PTPRD: variants seen among roughly 807,000 people sequenced by gnomAD.
The protein encoded by PTPRD is protein tyrosine phosphatase receptor type D.
PTPRD carries 34 observed loss-of-function variants against 214.5 expected under a neutral mutation model. The ratio of observed to expected loss-of-function variants is 0.16; its 90% CI spans 0.12 to 0.21. PTPRD has a LOEUF of 0.21. Ranked by LOEUF, PTPRD falls within the 10% of genes least tolerant of loss-of-function variation. The probability of loss-of-function intolerance (pLI) is 1.00; values close to 1 mark genes in which losing one functional copy is unlikely to be tolerated. For synonymous variants in PTPRD, 1,128 were observed against 845.7 expected (o/e 1.33, Z -5.79); for missense variants, 2,545 against 2,398.7 (o/e 1.06, Z -1.27).
chr9:9,132,897 T>C (rs1010908234), intron 10 of PTPRD, among the ~76,000 whole-genome samples: 1 of 152,242 alleles, frequency 6.6e-6, no homozygotes, highest in Admixed American at 6.5e-5. Flanking sequence ...AATGTGTTGA[T>C]GCTGAGAATA....
intron 10 of PTPRD, among the ~76,000 whole-genome samples, chr9:9,143,824 T>A (rs2099864139): frequency 6.6e-6 from 1 of 152,198 alleles, no homozygotes; most frequent in Admixed American, 6.5e-5. Context: ...ACATAACCGA[T>A]TATAAAAACT....
intron 14 of PTPRD, among the ~76,000 whole-genome samples, chr9:8,558,350 A>C (rs1447808033): frequency 6.6e-6 from 1 of 152,178 alleles, no homozygotes; most frequent in Non-Finnish European, 1.5e-5. Flanking sequence ...ACTATTTCCT[A>C]ATAGTGATTC....
intron 11 of PTPRD, among the ~76,000 whole-genome samples, chr9:8,891,876 T>C (rs1436114754): frequency 2.6e-5 from 4 of 152,206 alleles, no homozygotes; most frequent in African/African-American, 9.6e-5. Context: ...ATTTAGGTGA[T>C]CTAAATCAAC....
chr9:8,796,750 A>C (rs1443931778), intron 11 of PTPRD, among the ~76,000 whole-genome samples: 3 of 152,150 alleles, frequency 2.0e-5, no homozygotes, highest in Non-Finnish European at 2.9e-5. Flanking sequence ...CTGGTTGAGA[A>C]ATTCAAATTT....
At chr9:8,781,943 AT>A (rs1566013472) in intron 11 of PTPRD, among the ~76,000 whole-genome samples, 5 of 151,970 alleles carry the variant, frequency 3.3e-5, no homozygotes, top group African/African-American at 9.7e-5. Context: ...ATTTAAAAGT[AT>A]GGTGTTAGCA....
chr9:10,149,116 A>C (rs2099043416), intron 3 of PTPRD, among the ~76,000 whole-genome samples: 1 of 152,218 alleles, frequency 6.6e-6, no homozygotes, highest in African/African-American at 2.4e-5. Flanking sequence ...ATGACCATGT[A>C]GAAACTGCAA....
At chr9:9,458,414 A>G (rs961433508) in intron 8 of PTPRD, among the ~76,000 whole-genome samples, 1 of 152,120 alleles carries the variant, frequency 6.6e-6, no homozygotes, top group African/African-American at 2.4e-5. Flanking sequence ...AAAAAATTGT[A>G]AATGGTTTTG....
rs143062790 is a variant in PTPRD, at chr9:10,010,060, G to A, written c.-472+23658C>T. On this transcript the variant is annotated intron_variant, in intron 4 of 45. Transcript: ENST00000381196. Reference sequence around the variant, plus strand: ...GTCCATTCAGTTGGTTGAGAGGCTTGGAATTTTATTTTTGATTTACACATT... The same window carrying A: ...GTCCATTCAGTTGGTTGAGAGGCTTAGAATTTTATTTTTGATTTACACATT... 5.9e-4 allele frequency among the ~76,000 whole-genome samples: 89 copies of A among 151,866 alleles called. 2 individuals carry two copies. The East Asian group carries it at 0.015, about 25-fold the overall frequency.
intron 11 of PTPRD, among the ~76,000 whole-genome samples, chr9:8,741,430 TATTTG>T (rs1053657828): frequency 6.6e-6 from 1 of 152,168 alleles, no homozygotes; most frequent in Admixed American, 6.5e-5. Flanking sequence ...GGAACTCTAA[TATTTG>T]TTCCTTTCAT....
chr9:8,878,259 G>C lies in PTPRD; in HGVS notation c.-104+140438C>G, dbSNP rs77569740. Among the ~76,000 whole-genome samples, 1,179 of 152,242 alleles carry C rather than the reference G, an allele frequency of 7.7e-3. 17 individuals carry two copies. Among genetic ancestry groups the C allele is most frequent in the African/African-American group, 0.027 (1,130 of 41,534 alleles). ...GAATTGGTCCACAACATGTCCTTCT[G>C]TGTAATTCTTCATTCCGGGCACAGA... is the stretch of plus-strand genomic sequence containing the variant. On this transcript the variant is annotated intron_variant, in intron 11 of 45. Coordinates refer to ENST00000381196, the MANE Select transcript of PTPRD (RefSeq NM_002839.4).
intron 5 of PTPRD, among the ~76,000 whole-genome samples, chr9:9,929,340 C>T (rs2085525614): frequency 6.6e-6 from 1 of 152,182 alleles, no homozygotes; most frequent in East Asian, 1.9e-4. Flanking sequence ...ATACCCCTTG[C>T]TATCAAGGAG....
chr9:10,342,234 G>A (rs980119173), intron 2 of PTPRD, among the ~76,000 whole-genome samples: 1 of 152,006 alleles, frequency 6.6e-6, no homozygotes, highest in African/African-American at 2.4e-5. Flanking sequence ...ACTGGCCTGT[G>A]TCACTTATAG....
At chr9:8,996,909 T>C (rs1009501216) in intron 11 of PTPRD, among the ~76,000 whole-genome samples, 3 of 152,102 alleles carry the variant, frequency 2.0e-5, no homozygotes, top group Admixed American at 1.3e-4. Flanking sequence ...TTGATTGTGA[T>C]ATTGGTTTTA....
At chr9:8,354,640 T>C (rs1406142683) in intron 39 of PTPRD, among the ~76,000 whole-genome samples, 1 of 152,234 alleles carries the variant, frequency 6.6e-6, no homozygotes, top group Non-Finnish European at 1.5e-5. Flanking sequence ...TTGGTTGGTT[T>C]GACTCAAGTA....
chr9:9,671,805 G>T (rs894896920), intron 7 of PTPRD, among the ~76,000 whole-genome samples: 1 of 152,138 alleles, frequency 6.6e-6, no homozygotes, highest in East Asian at 1.9e-4. Flanking sequence ...ATGTAGAACT[G>T]TAAGTCTAAT....
rs1161634989 is a variant in PTPRD at position 8,866,749 on chromosome 9, T to C, written c.-103-132803A>G. Reference sequence around the variant, plus strand: ...TATGATCACCTACATGTTGAATACTTATCTATCCGTTAAGAATCATCTCAT... The same window carrying C: ...TATGATCACCTACATGTTGAATACTCATCTATCCGTTAAGAATCATCTCAT... On this transcript the variant is annotated intron_variant, in intron 11 of 45. Coordinates refer to ENST00000381196, the MANE Select transcript of PTPRD (RefSeq NM_002839.4). Among the ~76,000 whole-genome samples, 3 of 149,638 alleles carry C rather than the reference T, an allele frequency of 2.0e-5. No homozygotes were observed. The Admixed American group carries it at 2.0e-4, about 10-fold the overall frequency.
chr9:10,266,066 CT>C (rs1398552685), intron 3 of PTPRD, among the ~76,000 whole-genome samples: 2 of 151,834 alleles, frequency 1.3e-5, no homozygotes, highest in Non-Finnish European at 2.9e-5. Flanking sequence ...CACGCAATAC[CT>C]TTTTCATGGC....
At chr9:9,310,544 G>C (rs995865400) in intron 9 of PTPRD, among the ~76,000 whole-genome samples, 5 of 152,142 alleles carry the variant, frequency 3.3e-5, no homozygotes, top group African/African-American at 1.2e-4. Flanking sequence ...TGAAAAGGCA[G>C]AAAGAAATAC....
At chr9:9,165,426 T>C (rs945778971) in intron 10 of PTPRD, among the ~76,000 whole-genome samples, 1 of 152,140 alleles carries the variant, frequency 6.6e-6, no homozygotes, top group Non-Finnish European at 1.5e-5. Context: ...TCTATGCAGA[T>C]GAAGGTAGGT....
Sources: allele counts gnomAD v4.1 joint callset (sites outside exome capture counted in the v4.1 genomes callset), GRCh38; gene constraint gnomAD v4.1.1; transcripts MANE v1.5; gene names NCBI Gene and HGNC (gene_info 2026-07-23, HGNC 2026-07-21).